Variants in CLYBL observed in about 807,000 individuals in gnomAD.
The protein encoded by CLYBL is citramalyl-CoA lyase, also known as citramalyl-CoA lyase, mitochondrial.
In CLYBL, 31 loss-of-function variants were observed where a neutral mutation model predicts 38.9. That is an observed-to-expected ratio of 0.80 (90% confidence interval 0.60 to 1.08). The LOEUF (loss-of-function observed/expected upper bound fraction) is 1.08, where lower values mean the gene tolerates loss of function less well. CLYBL is among the 50% of genes least tolerant of loss of function. The pLI is 0.00. For synonymous variants in CLYBL, 171 were observed against 158.6 expected (o/e 1.08, Z -0.59); for missense variants, 434 against 411.6 (o/e 1.05, Z -0.47).
intron 1 of CLYBL, among the ~76,000 whole-genome samples, chr13:99,704,848 C>CCT (rs980267739): frequency 2.6e-5 from 4 of 152,168 alleles, no homozygotes; most frequent in Non-Finnish European, 4.4e-5. Flanking sequence ...GAGCACGGAT[C>CCT]CTAAGCCTAG....
At chr13:99,620,836 GAAA>G (rs367809646) in intron 1 of CLYBL, among the ~76,000 whole-genome samples, 1 of 117,378 alleles carries the variant, frequency 8.5e-6, no homozygotes, top group African/African-American at 3.9e-5. Context: ...AAGAAAGAAA[GAAA>G]AAGAAAGAAA....
At chr13:99,847,687 A>T (rs982578245) in intron 2 of CLYBL, among the ~76,000 whole-genome samples, 3 of 152,180 alleles carry the variant, frequency 2.0e-5, no homozygotes, top group African/African-American at 4.8e-5. Flanking sequence ...TACCCATTCC[A>T]AAGACAACAT....
intron 1 of CLYBL, among the ~76,000 whole-genome samples, chr13:99,625,822 T>A (rs2046861408): frequency 6.6e-6 from 1 of 152,206 alleles, no homozygotes; most frequent in Non-Finnish European, 1.5e-5. Flanking sequence ...AGTCCCAGGC[T>A]CCGAGCATTA....
At chr13:99,708,960 G>T (rs2139483226) in intron 1 of CLYBL, among the ~76,000 whole-genome samples, 1 of 152,198 alleles carries the variant, frequency 6.6e-6, no homozygotes, top group East Asian at 1.9e-4. Context: ...GGGCGTGGTG[G>T]CAGGCACCTG....
intron 1 of CLYBL, among the ~76,000 whole-genome samples, chr13:99,685,948 C>G (rs900567928): frequency 6.6e-6 from 1 of 152,066 alleles, no homozygotes; most frequent in African/African-American, 2.4e-5. Context: ...GGCGACAGAA[C>G]AAGACCCTGT....
chr13:99,850,244 A>G (rs2051300157), intron 2 of CLYBL, among the ~76,000 whole-genome samples: 1 of 152,212 alleles, frequency 6.6e-6, no homozygotes, highest in Non-Finnish European at 1.5e-5. Context: ...CAAGTCATCT[A>G]TCTGGTAAGG....
At chr13:99,900,922 A>C (rs2052634940), downstream of CLYBL, among the ~76,000 whole-genome samples, 1 of 152,216 alleles carries the variant, frequency 6.6e-6, no homozygotes, top group Non-Finnish European at 1.5e-5. Context: ...CTCTGCCACC[A>C]GGCCAGTGCC....
intron 7 of CLYBL, among the ~76,000 whole-genome samples, chr13:99,885,504 G>T (rs2052328898): frequency 2.6e-5 from 4 of 152,122 alleles, no homozygotes; most frequent in Non-Finnish European, 5.9e-5. Flanking sequence ...AACCATGGCA[G>T]GGTTAAAGCA....
chr13:99,891,456 G>C lies in CLYBL; in HGVS notation c.*24+19G>C. The C allele has an allele frequency of 1.4e-6, 2 of 1,424,562 alleles. No individual in the cohort carries two copies. Among genetic ancestry groups the C allele is most frequent in the Non-Finnish European group, 2.0e-6 (2 of 1,008,138 alleles). The allele number at this position is 1,424,562 out of a possible 1,614,324, so 88.2% of individuals were successfully genotyped here. ...TCATCAGGTGGGCTGAACATATACA[G>C]TGGGGTTCTTAAAGACAAACCACAA... On this transcript the variant is annotated intron_variant, in intron 8 of 8. Transcript: ENST00000339105.
chr13:99,623,412 G>C (rs1231110878), intron 1 of CLYBL, among the ~76,000 whole-genome samples: 2 of 151,868 alleles, frequency 1.3e-5, no homozygotes, highest in African/African-American at 4.8e-5. Flanking sequence ...AATAAACCCT[G>C]GCCCCCATCT....
chr13:99,663,817 C>T lies in CLYBL; in HGVS notation c.62+57060C>T, dbSNP rs549557615. Among the ~76,000 whole-genome samples the T allele has an allele frequency of 1.3e-4, 20 of 152,290 alleles. No individual in the cohort carries two copies. In the East Asian group the frequency reaches 3.9e-3, roughly 29 times the overall value. ...GGGACCCCGTTTTACTCCTGCTCTCCTGGAGCTTATTACGGGCCTGGCTAC... is the reference window on the plus strand; with the variant it reads ...GGGACCCCGTTTTACTCCTGCTCTCTTGGAGCTTATTACGGGCCTGGCTAC... On this transcript the variant is annotated intron_variant, in intron 1 of 8. Transcript: ENST00000339105.
chr13:99,862,280 T>A (rs2051622074), intron 3 of CLYBL, among the ~76,000 whole-genome samples: 1 of 152,166 alleles, frequency 6.6e-6, no homozygotes, highest in South Asian at 2.1e-4. Context: ...GATTTACAAT[T>A]TAGAGTGTGT....
intron 7 of CLYBL, among the ~76,000 whole-genome samples, chr13:99,888,140 C>G (rs1483620162): frequency 6.6e-6 from 1 of 152,128 alleles, no homozygotes; most frequent in Admixed American, 6.5e-5. Flanking sequence ...CAGGCGTAAG[C>G]CACCATGCAC....
chr13:99,785,675 C>A (rs1160301810), intron 2 of CLYBL, among the ~76,000 whole-genome samples: 1 of 151,730 alleles, frequency 6.6e-6, no homozygotes, highest in Non-Finnish European at 1.5e-5. Context: ...CTGCTCACTG[C>A]AACATCTGCC....
chr13:99,722,381 T>A (rs554209497), intron 1 of CLYBL, among the ~76,000 whole-genome samples: 116 of 152,334 alleles, frequency 7.6e-4, no homozygotes, highest in South Asian at 4.6e-3. Context: ...GGAATCTCTC[T>A]TTCCTCTTTC....
At chr13:99,633,461 G>A (rs1473195903) in intron 1 of CLYBL, among the ~76,000 whole-genome samples, 2 of 151,506 alleles carry the variant, frequency 1.3e-5, no homozygotes, top group Non-Finnish European at 2.9e-5. Context: ...CTTGAGCCTG[G>A]GAGGTGGAGG....
chr13:99,638,492 G>A (rs925836422), intron 1 of CLYBL, among the ~76,000 whole-genome samples: 4 of 152,128 alleles, frequency 2.6e-5, no homozygotes, highest in Admixed American at 6.5e-5. Context: ...TACCTATTGT[G>A]TTTCAGACTC....
rs568317237 is a variant in CLYBL at position 99,669,930 on chromosome 13, C to T, written c.62+63173C>T. On this transcript the variant is annotated intron_variant, in intron 1 of 8. Transcript: ENST00000339105. The stretch of plus-strand genomic sequence containing the variant: ...GGTGCAGGCTGGGCGCCATGGCTTA[C>T]GCCTGTAATCCCAGCATTTTGGAAG... Among the ~76,000 whole-genome samples, 23 of 152,238 alleles carry T rather than the reference C, an allele frequency of 1.5e-4. No individual in the cohort carries two copies. The South Asian group carries it at 3.1e-3, about 21-fold the overall frequency.
Position 99,748,173 on chromosome 13 carries a change from A to C in CLYBL, c.63-24651A>C, listed in dbSNP as rs557060274. 3.5e-4 allele frequency among the ~76,000 whole-genome samples: 54 copies of C among 152,198 alleles called. 1 individual carries two copies. The highest frequency in any genetic ancestry group is 1.3e-3 in the African/African-American group (54 of 41,556). On this transcript the variant is annotated intron_variant, in intron 1 of 8. Coordinates refer to ENST00000339105, the MANE Select transcript of CLYBL (RefSeq NM_206808.5). ...GCCCAGGTGGGCACTTGAGGTCAGA[A>C]GTTCGAGACCAGCGTGGCCAACATG...
Sources: gnomAD v4.1 joint callset for allele counts (sites outside exome capture counted in the v4.1 genomes callset) on GRCh38, gnomAD v4.1.1 for gene constraint, MANE v1.5 for transcripts, NCBI Gene and HGNC (gene_info 2026-07-23, HGNC 2026-07-21) for gene names.